Variants in C12orf42 observed in about 807,000 individuals in gnomAD.
C12orf42 encodes uncharacterized protein C12orf42.
C12orf42 carries 25 observed loss-of-function variants against 21.6 expected under a neutral mutation model. That is an observed-to-expected ratio of 1.16 (90% CI 0.84 to 1.62). The LOEUF (loss-of-function observed/expected upper bound fraction) is 1.62, where lower values mean the gene tolerates loss of function less well. Among genes scored for constraint, C12orf42 ranks in the 40% most tolerant of loss-of-function variants. C12orf42 has a pLI of 0.00. For synonymous variants in C12orf42, 174 were observed against 175.0 expected (o/e 0.99, Z 0.05); for missense variants, 483 against 459.3 (o/e 1.05, Z -0.47).
the C12orf42 span, among the ~76,000 whole-genome samples, chr12:103,123,624 G>C: frequency 6.6e-6 from 1 of 152,112 alleles, no homozygotes; most frequent in African/African-American, 2.4e-5. Flanking sequence ...GCCACCTGTG[G>C]CTATTGTGCA....
chr12:103,260,027 GTC>G (rs2034814639), intron 10 of C12orf42, among the ~76,000 whole-genome samples: 1 of 152,000 alleles, frequency 6.6e-6, no homozygotes, highest in African/African-American at 2.4e-5. Flanking sequence ...ACTCCACAAT[GTC>G]TCTCTATAAA....
the C12orf42 span, among the ~76,000 whole-genome samples, chr12:103,150,824 C>G: frequency 6.6e-6 from 1 of 152,204 alleles, no homozygotes; most frequent in East Asian, 1.9e-4. Flanking sequence ...CTCTTTTGGA[C>G]TGACTCATAT....
chr12:103,409,621 T>C (rs540318515), intron 2 of C12orf42, among the ~76,000 whole-genome samples: 1 of 152,168 alleles, frequency 6.6e-6, no homozygotes, highest in Non-Finnish European at 1.5e-5. Flanking sequence ...CAAAAATGGA[T>C]AGATGTGCAC....
chr12:103,256,004 G>T (rs1483358133), intron 10 of C12orf42, among the ~76,000 whole-genome samples: 2 of 126,682 alleles, frequency 1.6e-5, no homozygotes, highest in Admixed American at 9.3e-5. Context: ...AGCGAGCCAA[G>T]ATCCCGCCAC....
chr12:103,119,569 T>C, the C12orf42 span, among the ~76,000 whole-genome samples: 1 of 152,142 alleles, frequency 6.6e-6, no homozygotes, highest in South Asian at 2.1e-4. Context: ...CAAGATAACT[T>C]TCCAGAGAAT....
chr12:103,231,912 C>G, the C12orf42 span, among the ~76,000 whole-genome samples: 2 of 152,214 alleles, frequency 1.3e-5, no homozygotes, highest in African/African-American at 2.4e-5. Flanking sequence ...TGGCTGTACC[C>G]TTTTGCATTC....
At chr12:103,097,676 C>T in the C12orf42 span, among the ~76,000 whole-genome samples, 1 of 152,128 alleles carries the variant, frequency 6.6e-6, no homozygotes, top group South Asian at 2.1e-4. Context: ...TAATGGAGGT[C>T]AGTGTGTGGT....
At chr12:103,226,189 G>A in the C12orf42 span, among the ~76,000 whole-genome samples, 2,753 of 152,292 alleles carry the variant, frequency 0.018, 90 homozygotes, top group African/African-American at 0.063. Context: ...TGGCTGCTGC[G>A]GTTCAGGCGT....
At chr12:103,432,614 C>T (rs766994700) in intron 2 of C12orf42, among the ~76,000 whole-genome samples, 2 of 152,188 alleles carry the variant, frequency 1.3e-5, no homozygotes, top group Non-Finnish European at 2.9e-5. Context: ...AATTGTGCCT[C>T]TCTCCCAAAT....
intron 2 of C12orf42, among the ~76,000 whole-genome samples, chr12:103,453,360 A>G (rs932992816): frequency 1.1e-4 from 16 of 151,968 alleles, no homozygotes; most frequent in Middle Eastern, 3.4e-3. Context: ...GTTTTAATAC[A>G]TCTTTGTCAT....
intron 10 of C12orf42, among the ~76,000 whole-genome samples, chr12:103,242,371 T>G (rs767852221): frequency 6.6e-6 from 1 of 152,190 alleles, no homozygotes; most frequent in African/African-American, 2.4e-5. Flanking sequence ...CAATGGAAAC[T>G]ACTGGAATAA....
In C12orf42 at chr12:103,306,477, G is replaced by A. The variant is rs2136543434; in HGVS notation, c.260-132C>T. 11 of 1,063,198 alleles carry A rather than the reference G, an allele frequency of 1.0e-5. No individual in the cohort carries two copies. In the East Asian group the frequency reaches 2.6e-4, roughly 25 times the overall value. The allele number at this position is 1,063,198 out of a possible 1,614,324, so 65.9% of individuals were successfully genotyped here. ...GTTTCTACTGTGAGTAAACAAAAATGACAGACTAGGGTAGCTGAGTAGGAG... is the reference window on the plus strand; with the variant it reads ...GTTTCTACTGTGAGTAAACAAAAATAACAGACTAGGGTAGCTGAGTAGGAG... On this transcript the variant is annotated intron_variant, in intron 4 of 5. Transcript: ENST00000548883.
In C12orf42 at chr12:103,302,435, T is replaced by C. The variant is rs746001642; in HGVS notation, c.756A>G (p.Ala252=). 91 of 1,613,710 alleles carry C rather than the reference T, an allele frequency of 5.6e-5. No individual in the cohort carries two copies. Among genetic ancestry groups the C allele is most frequent in the Non-Finnish European group, 7.7e-5 (91 of 1,179,848 alleles). ...TGTCGTCGGGGTGTGCCTGAGCGCC[T>C]GCTGGGACTGCCATCCTCTCCTCCG... ...LEPEERMAVP[A]GAQAHPDDIQ... is the part of the protein sequence containing the mutation. The change falls in exon 6 of 6, where the codon GCA becomes GCG. Residue 252 remains alanine, a synonymous_variant. Transcript: ENST00000548883.
chr12:103,430,892 T>A (rs2139327736), intron 2 of C12orf42, among the ~76,000 whole-genome samples: 2 of 152,232 alleles, frequency 1.3e-5, no homozygotes, highest in East Asian at 3.9e-4. Flanking sequence ...ATGTTCTCAC[T>A]CATAAGTGAG....
the C12orf42 span, among the ~76,000 whole-genome samples, chr12:103,120,137 T>G: frequency 1.3e-5 from 2 of 152,232 alleles, no homozygotes; most frequent in Admixed American, 1.3e-4. Flanking sequence ...AGCACTGTAT[T>G]CTGCATAGGA....
At chr12:103,530,359 G>A in the C12orf42 span, among the ~76,000 whole-genome samples, 4 of 152,178 alleles carry the variant, frequency 2.6e-5, no homozygotes, top group Non-Finnish European at 4.4e-5. Flanking sequence ...GGGCCAAGGC[G>A]TGCTGGAGAC....
chr12:103,379,928 CA>C (rs1287335091), intron 3 of C12orf42, among the ~76,000 whole-genome samples: 1 of 152,162 alleles, frequency 6.6e-6, no homozygotes, highest in East Asian at 1.9e-4. Context: ...ATCTGATTAT[CA>C]GCTCATGTCA....
At chr12:103,509,634 C>T in the C12orf42 span, among the ~76,000 whole-genome samples, 6 of 152,084 alleles carry the variant, frequency 3.9e-5, no homozygotes, top group Non-Finnish European at 5.9e-5. Context: ...TCTGAATTCC[C>T]GTTTTGAGCA....
Position 103,368,985 on chromosome 12 carries a change from TA to T in C12orf42, c.160del (p.Tyr54MetfsTer15). On this transcript the variant is annotated frameshift_variant, in exon 4 of 6. Coordinates refer to ENST00000548883, the MANE Select transcript of C12orf42 (RefSeq NM_198521.5). LOFTEE classifies it high-confidence loss of function. ...STPSAKHIPCYERTSVPCSRF... is the reference protein window; with the variant it reads ...STPSAKHIPCXERTSVPCSRF... ...GGAGCAGGGTACTGAAGTTCTTTCA[TA>T]ACAAGGGATGTGCTGTAAGATAGAG... 1 of 1,583,944 alleles carries T rather than the reference TA, an allele frequency of 6.3e-7. No individual in the cohort carries two copies. The highest frequency in any genetic ancestry group is 1.1e-5 in the South Asian group (1 of 87,166).
Sources: allele counts gnomAD v4.1 joint callset (sites outside exome capture counted in the v4.1 genomes callset), GRCh38; gene constraint gnomAD v4.1.1; transcripts MANE v1.5; gene names NCBI Gene and HGNC (gene_info 2026-07-23, HGNC 2026-07-21).